GALNTL6: variants seen among roughly 807,000 people sequenced by gnomAD.
GALNTL6 encodes the protein polypeptide N-acetylgalactosaminyltransferase like 6, also known as polypeptide N-acetylgalactosaminyltransferase-like 6.
In GALNTL6, 46 loss-of-function variants were observed where a neutral mutation model predicts 73.7. The observed-to-expected ratio is 0.62, with a 90% CI of 0.49 to 0.80. The LOEUF (loss-of-function observed/expected upper bound fraction) is 0.80. Ranked by LOEUF, GALNTL6 falls within the 30% of genes least tolerant of loss-of-function variation. The pLI, the probability that GALNTL6 is intolerant of heterozygous loss-of-function variation, is 0.00. For synonymous variants in GALNTL6, 259 were observed against 263.7 expected (o/e 0.98, Z 0.17); for missense variants, 604 against 755.0 (o/e 0.80, Z 2.34).
At chr4:172,865,323 T>C (rs562754813) in intron 7 of GALNTL6, among the ~76,000 whole-genome samples, 32 of 152,342 alleles carry the variant, frequency 2.1e-4, no homozygotes, top group African/African-American at 7.5e-4. Context: ...AGATAAACGC[T>C]GTTTGTTCAG....
intron 5 of GALNTL6, among the ~76,000 whole-genome samples, chr4:172,522,666 C>CCCCT (rs1561120604): frequency 5.1e-4 from 6 of 11,828 alleles, no homozygotes; most frequent in African/African-American, 1.5e-3. Flanking sequence ...GAAACTCAGT[C>CCCCT]CCCCCCCCCC....
At chr4:172,709,647 C>T (rs528584891) in intron 5 of GALNTL6, among the ~76,000 whole-genome samples, 5 of 152,136 alleles carry the variant, frequency 3.3e-5, no homozygotes, top group South Asian at 4.2e-4. Flanking sequence ...CCTACCTTCC[C>T]ACAGTGTGGG....
intron 2 of GALNTL6, among the ~76,000 whole-genome samples, chr4:172,024,977 C>T (rs568361959): frequency 6.6e-6 from 1 of 151,796 alleles, no homozygotes; most frequent in Admixed American, 6.6e-5. Context: ...ATTACCCATC[C>T]AAGATAAATC....
In GALNTL6 at chr4:172,935,559, G is replaced by A. The variant is rs1016916754; in HGVS notation, c.1149+4291G>A. Among the ~76,000 whole-genome samples, 14 of 151,976 alleles carry A rather than the reference G, an allele frequency of 9.2e-5. No homozygotes were observed. The East Asian group carries it at 2.5e-3, about 27-fold the overall frequency. On this transcript the variant is annotated intron_variant, in intron 9 of 12. Transcript: ENST00000506823. ...GCTGACTAATAAAGAAGAAAAGAGA[G>A]AAGAACTAAATAGATGCAATAAAAA... is the stretch of plus-strand genomic sequence containing the variant.
chr4:172,231,815 T>C (rs7679101), intron 3 of GALNTL6, among the ~76,000 whole-genome samples: 58,060 of 151,720 alleles, frequency 0.38, 11,264 homozygotes, highest in Non-Finnish European at 0.41. Flanking sequence ...CAAATGAGTT[T>C]TGAATACAAA....
chr4:172,890,861 T>C (rs540023514), intron 8 of GALNTL6, among the ~76,000 whole-genome samples: 37 of 152,328 alleles, frequency 2.4e-4, no homozygotes, highest in Admixed American at 3.9e-4. Flanking sequence ...TGTTTTATGA[T>C]CTGGGTGCTT....
chr4:172,082,259 T>A (rs1302381109), intron 2 of GALNTL6, among the ~76,000 whole-genome samples: 1 of 152,124 alleles, frequency 6.6e-6, no homozygotes, highest in Non-Finnish European at 1.5e-5. Context: ...TTGGAGAAAT[T>A]TAAAAACAAA....
chr4:172,422,408 G>C (rs1264836964), intron 5 of GALNTL6, among the ~76,000 whole-genome samples: 1 of 151,852 alleles, frequency 6.6e-6, no homozygotes, highest in Non-Finnish European at 1.5e-5. Flanking sequence ...CCTATTATTT[G>C]ACTAATAAGT....
At chr4:172,727,975 G>A (rs2111379839) in intron 5 of GALNTL6, among the ~76,000 whole-genome samples, 1 of 151,808 alleles carries the variant, frequency 6.6e-6, no homozygotes, top group South Asian at 2.1e-4. Flanking sequence ...TGCAGTGGCG[G>A]GATCTCAGCT....
intron 5 of GALNTL6, among the ~76,000 whole-genome samples, chr4:172,604,117 T>C (rs1381914857): frequency 6.6e-6 from 1 of 152,186 alleles, no homozygotes; most frequent in East Asian, 1.9e-4. Context: ...TTTCATAATA[T>C]GATTTTTTAT....
At chr4:172,436,701 A>G (rs1731645893) in intron 5 of GALNTL6, among the ~76,000 whole-genome samples, 1 of 152,154 alleles carries the variant, frequency 6.6e-6, no homozygotes, top group Non-Finnish European at 1.5e-5. Flanking sequence ...CATAAGGAAC[A>G]GCAGACTTAC....
chr4:172,187,528 A>T (rs1735450243), intron 2 of GALNTL6, among the ~76,000 whole-genome samples: 1 of 152,046 alleles, frequency 6.6e-6, no homozygotes, highest in Admixed American at 6.6e-5. Flanking sequence ...AAAAGACTTC[A>T]TTTTTTGACT....
intron 7 of GALNTL6, among the ~76,000 whole-genome samples, chr4:172,819,743 G>A (rs1460054510): frequency 6.6e-6 from 1 of 152,164 alleles, no homozygotes; most frequent in Non-Finnish European, 1.5e-5. Flanking sequence ...GGCTCATAGA[G>A]GTTAAGCAGT....
chr4:172,263,332 G>T (rs1738320598), intron 3 of GALNTL6, among the ~76,000 whole-genome samples: 1 of 150,860 alleles, frequency 6.6e-6, no homozygotes, highest in South Asian at 2.1e-4. Flanking sequence ...TATTTTCTTT[G>T]TCTTTGTCTT....
intron 5 of GALNTL6, among the ~76,000 whole-genome samples, chr4:172,790,092 G>A (rs970037264): frequency 3.9e-5 from 6 of 152,250 alleles, no homozygotes; most frequent in Admixed American, 6.5e-5. Context: ...TTGGTAGAAT[G>A]AAGAGAGTTG....
At chr4:172,345,051 G>T (rs1002346429) in intron 4 of GALNTL6, among the ~76,000 whole-genome samples, 4 of 151,000 alleles carry the variant, frequency 2.6e-5, no homozygotes. Context: ...ACGTTACATA[G>T]ATGTCCCAAT....
chr4:172,960,529 C>A (rs533670873), intron 10 of GALNTL6, among the ~76,000 whole-genome samples: 1 of 151,810 alleles, frequency 6.6e-6, no homozygotes, highest in South Asian at 2.1e-4. Flanking sequence ...AAAGACTCAG[C>A]GACGCTTGGG....
chr4:172,465,993 G>T (rs1732801507), intron 5 of GALNTL6, among the ~76,000 whole-genome samples: 1 of 152,118 alleles, frequency 6.6e-6, no homozygotes, highest in Non-Finnish European at 1.5e-5. Flanking sequence ...ATTTTCGAGT[G>T]TCTTCATTTC....
chr4:172,607,545 G>C (rs993251435), intron 5 of GALNTL6, among the ~76,000 whole-genome samples: 1 of 152,128 alleles, frequency 6.6e-6, no homozygotes, highest in Non-Finnish European at 1.5e-5. Flanking sequence ...ATTGTGAATG[G>C]TGGTGCATTG....
Sources: gnomAD v4.1 joint callset for allele counts (sites outside exome capture counted in the v4.1 genomes callset) on GRCh38, gnomAD v4.1.1 for gene constraint, MANE v1.5 for transcripts, NCBI Gene and HGNC (gene_info 2026-07-23, HGNC 2026-07-21) for gene names.